Variants in ADAMTS6 observed in about 807,000 individuals in gnomAD.
The protein encoded by ADAMTS6 is A disintegrin and metalloproteinase with thrombospondin motifs 6.
A neutral mutation model predicts 144.3 loss-of-function variants in ADAMTS6; 23 were observed. That is an observed-to-expected ratio of 0.16 (90% CI 0.11 to 0.23). The LOEUF (loss-of-function observed/expected upper bound fraction) is 0.23, where lower values mean the gene tolerates loss of function less well. Among genes scored for constraint, ADAMTS6 ranks in the 10% least tolerant of loss-of-function variants. ADAMTS6 has a pLI of 1.00. For synonymous variants in ADAMTS6, 444 were observed against 457.5 expected, an observed-to-expected ratio of 0.97 and a Z score of 0.38; for missense variants, 999 against 1,379.6, an observed-to-expected ratio of 0.72 and a Z score of 4.37.
intron 11 of ADAMTS6, among the ~76,000 whole-genome samples, chr5:65,276,577 G>A (rs185271314): frequency 2.0e-5 from 3 of 152,168 alleles, no homozygotes; most frequent in African/African-American, 7.2e-5. Context: ...AAATGAACTT[G>A]AGATCAATTC....
chr5:65,318,100 TAC>T (rs1427509841), intron 9 of ADAMTS6, among the ~76,000 whole-genome samples: 1 of 145,342 alleles, frequency 6.9e-6, no homozygotes, highest in Non-Finnish European at 1.5e-5. Context: ...AAAGAAGATA[TAC>T]AAATGGCAAA....
chr5:65,398,855 A>G (rs1043170841), intron 7 of ADAMTS6, among the ~76,000 whole-genome samples: 2 of 150,588 alleles, frequency 1.3e-5, no homozygotes, highest in African/African-American at 2.4e-5. Flanking sequence ...AAAGAAAAAG[A>G]AAGAGAAAGA....
rs550086755 is a variant in ADAMTS6 at position 65,420,009 on chromosome 5, T to TA, written c.1073+31465_1073+31466insT. Among the ~76,000 whole-genome samples, 874 of 152,296 alleles carry TA rather than the reference T, an allele frequency of 5.7e-3. 5 individuals are homozygous for TA. The highest frequency in any genetic ancestry group is 0.041 in the Middle Eastern group (12 of 294). On this transcript the variant is annotated intron_variant, in intron 7 of 24. Transcript: ENST00000381055. ...TGGGTAATTTATAACGGAAAGAGGT[T>TA]TAATTGACTCAGAATTCAGCATGGC...
At chr5:65,429,853 G>A (rs142348012) in intron 7 of ADAMTS6, among the ~76,000 whole-genome samples, 1 of 152,178 alleles carries the variant, frequency 6.6e-6, no homozygotes, top group East Asian at 1.9e-4. Flanking sequence ...AAATTAGAAA[G>A]TATTACATAC....
At chr5:65,280,472 A>G (rs1762903058) in intron 11 of ADAMTS6, among the ~76,000 whole-genome samples, 1 of 152,234 alleles carries the variant, frequency 6.6e-6, no homozygotes, top group African/African-American at 2.4e-5. Context: ...AATTATAAAA[A>G]GACCTTTCTT....
intron 7 of ADAMTS6, among the ~76,000 whole-genome samples, chr5:65,371,167 G>C (rs1580518794): frequency 2.6e-5 from 4 of 152,136 alleles, no homozygotes; most frequent in South Asian, 4.1e-4. Context: ...ACAAAGATGG[G>C]GAAAAAAACA....
rs536511471 is a variant in ADAMTS6 at position 65,425,013 on chromosome 5, T to TC, written c.1073+26461_1073+26462insG. Among the ~76,000 whole-genome samples, 270 of 152,304 alleles carry TC rather than the reference T, an allele frequency of 1.8e-3. 2 individuals are homozygous for TC. Among genetic ancestry groups the TC allele is most frequent in the African/African-American group, 6.3e-3 (263 of 41,558 alleles). ...TTTTGTTTGTTTGTTTTGTTTTTTT[T>TC]GAGATGGAGTTTTGCTCTGGTCGCC... On this transcript the variant is annotated intron_variant, in intron 7 of 24. Transcript: ENST00000381055.
Position 65,479,626 on chromosome 5 carries a change from A to G in ADAMTS6, c.-280+1717T>C, listed in dbSNP as rs6861889. On this transcript the variant is annotated intron_variant, in intron 1 of 24. Transcript: ENST00000381055. ...AATATGCTGTTAACTATCTCTTAAT[A>G]TGGTAACTCCCTTCATTCACTCACT... 2.7e-3 allele frequency among the ~76,000 whole-genome samples: 407 copies of G among 152,268 alleles called. 4 individuals are homozygous for G. The highest frequency in any genetic ancestry group is 9.7e-3 in the African/African-American group (403 of 41,548).
chr5:65,225,143 C>T, intron 16 of ADAMTS6, 96 bp from the exon 17 acceptor site: 2 of 1,340,782 alleles, frequency 1.5e-6, no homozygotes, highest in Non-Finnish European at 2.0e-6. Context: ...CTTGTTTTTC[C>T]AGTAAAGAAA....
chr5:65,466,909 G>A (rs1026526809), intron 3 of ADAMTS6, among the ~76,000 whole-genome samples: 5 of 151,998 alleles, frequency 3.3e-5, no homozygotes, highest in Admixed American at 3.3e-4. Context: ...GGGCGTAGTG[G>A]CGGGAGCCTG....
At chr5:65,195,231 G>A (rs1755261954) in intron 21 of ADAMTS6, among the ~76,000 whole-genome samples, 1 of 152,162 alleles carries the variant, frequency 6.6e-6, no homozygotes, top group South Asian at 2.1e-4. Flanking sequence ...CAGTTTCTCA[G>A]TTTCTCTTGA....
chr5:65,307,296 C>A (rs1166560676), intron 9 of ADAMTS6, among the ~76,000 whole-genome samples: 1 of 152,142 alleles, frequency 6.6e-6, no homozygotes, highest in Non-Finnish European at 1.5e-5. Context: ...AGTCATCCCA[C>A]TGAGCAAAAA....
chr5:65,302,325 G>T (rs1342920528), intron 9 of ADAMTS6, among the ~76,000 whole-genome samples: 1 of 141,576 alleles, frequency 7.1e-6, no homozygotes, highest in African/African-American at 2.6e-5. Flanking sequence ...ACATATACAT[G>T]TATATATTAT....
At chr5:65,205,240 T>TG (rs1756005547) in intron 20 of ADAMTS6, among the ~76,000 whole-genome samples, 1 of 152,184 alleles carries the variant, frequency 6.6e-6, no homozygotes, top group African/African-American at 2.4e-5. Flanking sequence ...GTGTTAGTCA[T>TG]TATTTTTGTT....
chr5:65,381,534 T>C (rs1752043982), intron 7 of ADAMTS6, among the ~76,000 whole-genome samples: 2 of 60,634 alleles, frequency 3.3e-5, no homozygotes, highest in South Asian at 1.3e-3. Flanking sequence ...GGCTAATTTT[T>C]TTTTTTTTTT....
intron 7 of ADAMTS6, among the ~76,000 whole-genome samples, chr5:65,390,099 G>T (rs1752793655): frequency 6.6e-6 from 1 of 151,992 alleles, no homozygotes; most frequent in South Asian, 2.1e-4. Context: ...AAACTATTTA[G>T]TTTTATTCAT....
chr5:65,338,316 A>G (rs1298149798), intron 7 of ADAMTS6, among the ~76,000 whole-genome samples: 2 of 152,224 alleles, frequency 1.3e-5, no homozygotes, highest in African/African-American at 4.8e-5. Context: ...ATGAATGCAT[A>G]TGTTGCCATT....
At chr5:65,431,501 G>A (rs1756995628) in intron 7 of ADAMTS6, among the ~76,000 whole-genome samples, 1 of 152,128 alleles carries the variant, frequency 6.6e-6, no homozygotes, top group South Asian at 2.1e-4. Context: ...CCCATGCTAT[G>A]TGTAAACTAA....
At chr5:65,233,647 A>G (rs1758433891) in intron 15 of ADAMTS6, among the ~76,000 whole-genome samples, 1 of 152,118 alleles carries the variant, frequency 6.6e-6, no homozygotes, top group South Asian at 2.1e-4. Context: ...AAATAATGGA[A>G]AGATGTCACG....
Sources: gnomAD v4.1 joint callset for allele counts (sites outside exome capture counted in the v4.1 genomes callset) on GRCh38, gnomAD v4.1.1 for gene constraint, MANE v1.5 for transcripts, NCBI Gene and HGNC (gene_info 2026-07-23, HGNC 2026-07-21) for gene names.